TANC2: variants seen among roughly 807,000 people sequenced by gnomAD.
TANC2 encodes protein TANC2.
TANC2 carries 26 observed loss-of-function variants against 210.5 expected under a neutral mutation model. The observed-to-expected ratio is 0.12, with a 90% CI of 0.09 to 0.17. TANC2 has a LOEUF of 0.17. Ranked by LOEUF, TANC2 falls within the 10% of genes least tolerant of loss-of-function variation. The probability of loss-of-function intolerance (pLI) is 1.00; values close to 1 mark genes in which losing one functional copy is unlikely to be tolerated. For synonymous variants in TANC2, 931 were observed against 967.1 expected (o/e 0.96, Z 0.69); for missense variants, 2,129 against 2,608.9 (o/e 0.82, Z 4.01).
intron 1 of TANC2, among the ~76,000 whole-genome samples, chr17:62,998,788 A>G (rs1356112225): frequency 6.6e-6 from 1 of 152,224 alleles, no homozygotes; most frequent in East Asian, 1.9e-4. Flanking sequence ...ATTACTGGCC[A>G]CCACAAAAAA....
At chr17:63,011,678 C>T (rs754354852) in intron 2 of TANC2, among the ~76,000 whole-genome samples, 1 of 152,022 alleles carries the variant, frequency 6.6e-6, no homozygotes, top group Non-Finnish European at 1.5e-5. Context: ...AAATGCCTCT[C>T]TTTATTTCTA....
intron 9 of TANC2, chr17:63,305,649 A>G (rs1202081891): frequency 6.6e-6 from 1 of 152,262 alleles, no homozygotes; most frequent in Admixed American, 6.5e-5. Flanking sequence ...GTTAATAAGT[A>G]GTGTAAGTCA....
intron 4 of TANC2, chr17:63,120,915 G>A (rs1160878431): frequency 3.3e-5 from 5 of 151,506 alleles, no homozygotes; most frequent in African/African-American, 1.2e-4. Flanking sequence ...TTTTTGGGGG[G>A]AGGGAATGTG....
chr17:63,418,421 G>A lies in TANC2; in HGVS notation c.4268+14G>A. ...ACGCAGCAGCAGGTGAGGAGAGAGAGAGAGGGTGAAAGCAAGAGGTCTCTT... is the reference window on the plus strand; with the variant it reads ...ACGCAGCAGCAGGTGAGGAGAGAGAAAGAGGGTGAAAGCAAGAGGTCTCTT... On this transcript the variant is annotated intron_variant, in intron 27 of 27. Coordinates refer to ENST00000689528, the Ensembl canonical transcript of TANC2. The surrounding 1 kb of genome is among the most constrained non-coding windows in gnomAD (Gnocchi z 4.6). 6.2e-7 allele frequency: 1 copy of A among 1,606,356 alleles called. No homozygotes were observed. The highest frequency in any genetic ancestry group is 8.5e-7 in the Non-Finnish European group (1 of 1,176,180).
intron 6 of TANC2, among the ~76,000 whole-genome samples, chr17:63,198,336 A>G (rs2041414307): frequency 6.6e-6 from 1 of 152,026 alleles, no homozygotes; most frequent in Non-Finnish European, 1.5e-5. Flanking sequence ...CTGGGAGTAG[A>G]GGCATGCACC....
chr17:63,068,430 G>GT (rs771787645), intron 2 of TANC2, among the ~76,000 whole-genome samples: 14 of 152,076 alleles, frequency 9.2e-5, no homozygotes, highest in African/African-American at 1.2e-4. Flanking sequence ...TTATTTAGTA[G>GT]TTTCGCTTCT....
At chr17:63,409,097 G>A (rs1345011277) in intron 21 of TANC2, among the ~76,000 whole-genome samples, 1 of 152,116 alleles carries the variant, frequency 6.6e-6, no homozygotes, top group African/African-American at 2.4e-5. Flanking sequence ...TTTAAAAGTG[G>A]GGATGGAGTT....
At chr17:63,120,083 G>A (rs773114364) in intron 4 of TANC2, among the ~76,000 whole-genome samples, 4 of 151,488 alleles carry the variant, frequency 2.6e-5, no homozygotes, top group Non-Finnish European at 4.4e-5. Context: ...ACAAAGACTG[G>A]TTTAGGTACT....
chr17:63,225,494 C>T (rs1326617822), intron 7 of TANC2, among the ~76,000 whole-genome samples: 2 of 152,172 alleles, frequency 1.3e-5, no homozygotes, highest in South Asian at 2.1e-4. Context: ...GTTTAATTAT[C>T]TCACTGTCTA....
intron 2 of TANC2, among the ~76,000 whole-genome samples, chr17:63,062,353 T>C (rs2036026086): frequency 6.6e-6 from 1 of 152,210 alleles, no homozygotes; most frequent in African/African-American, 2.4e-5. Flanking sequence ...ATTTAGACTT[T>C]CTCTTTTCTT....
intron 5 of TANC2, among the ~76,000 whole-genome samples, chr17:63,156,819 G>C (rs1208256184): frequency 6.6e-6 from 1 of 151,772 alleles, no homozygotes; most frequent in African/African-American, 2.4e-5. Flanking sequence ...TCAGCCCCCT[G>C]AGTAGCTGGG....
rs142553166 is a variant in TANC2, at chr17:63,011,584, T to C, written c.67+1958T>C. 5.0e-3 allele frequency among the ~76,000 whole-genome samples: 767 copies of C among 152,334 alleles called. 10 individuals carry two copies. Among genetic ancestry groups the C allele is most frequent in the African/African-American group, 0.018 (732 of 41,580 alleles). On this transcript the variant is annotated intron_variant, in intron 2 of 27. Coordinates refer to ENST00000689528, the Ensembl canonical transcript of TANC2. ...AGTTCCTGAGGATTTTTGCTTTGTA[T>C]GTTTGGAAGCTGTCTTATTAGGAAC...
At chr17:63,411,214 T>C (rs13342595) in intron 21 of TANC2, among the ~76,000 whole-genome samples, 37,649 of 152,002 alleles carry the variant, frequency 0.25, 4,800 homozygotes, top group South Asian at 0.31. Flanking sequence ...CACATCCATT[T>C]GGCCAAAGTG....
chr17:63,107,296 G>T (rs1048280307), intron 4 of TANC2, among the ~76,000 whole-genome samples: 1 of 151,482 alleles, frequency 6.6e-6, no homozygotes, highest in Non-Finnish European at 1.5e-5. Flanking sequence ...TTGAGAGGAA[G>T]CTTACAAATA....
intron 3 of TANC2, among the ~76,000 whole-genome samples, chr17:63,090,111 A>G (rs2037126007): frequency 6.6e-6 from 1 of 151,954 alleles, no homozygotes. Context: ...ATCCCTAGCA[A>G]CGACTTAAGT....
intron 5 of TANC2, among the ~76,000 whole-genome samples, chr17:63,189,206 A>G (rs2041103643): frequency 6.6e-6 from 1 of 151,782 alleles, no homozygotes; most frequent in Non-Finnish European, 1.5e-5. Context: ...TCTATTTTTG[A>G]CTGTTATGAA....
chr17:63,423,457 C>T (rs1035651210), exon 28 of TANC2: 1 of 152,252 alleles, frequency 6.6e-6, no homozygotes, highest in African/African-American at 2.4e-5. Flanking sequence ...TACATCAGCT[C>T]TTACAACTAA....
chr17:63,034,104 T>C (rs933718453), intron 2 of TANC2, among the ~76,000 whole-genome samples: 11 of 152,156 alleles, frequency 7.2e-5, no homozygotes, highest in African/African-American at 2.4e-4. Flanking sequence ...GAAACAGCTT[T>C]GTATGGGAAG....
chr17:63,025,806 TA>T (rs1568327152), intron 2 of TANC2, among the ~76,000 whole-genome samples: 27 of 118,700 alleles, frequency 2.3e-4, no homozygotes, highest in African/African-American at 9.9e-4. Flanking sequence ...AAAAATAAAA[TA>T]AAATAAAATT....
Sources: allele counts gnomAD v4.1 joint callset (sites outside exome capture counted in the v4.1 genomes callset), GRCh38; gene constraint gnomAD v4.1.1; non-coding constraint Gnocchi (gnomAD v3.1); transcripts MANE v1.5; gene names NCBI Gene and HGNC (gene_info 2026-07-23, HGNC 2026-07-21).